Variants in SPDYE1 observed in about 807,000 individuals in gnomAD.
SPDYE1 encodes the protein speedy/RINGO cell cycle regulator family member E1.
A neutral mutation model predicts 45.9 loss-of-function variants in SPDYE1; 29 were observed. The observed-to-expected ratio is 0.63, with a 90% confidence interval of 0.47 to 0.86. The LOEUF is 0.86. Ranked by LOEUF, SPDYE1 falls within the 40% of genes least tolerant of loss-of-function variation. The probability of loss-of-function intolerance (pLI) is 0.00; values close to 1 mark genes in which losing one functional copy is unlikely to be tolerated. For synonymous variants in SPDYE1, 134 were observed against 176.8 expected, an observed-to-expected ratio of 0.76 and a Z score of 1.92; for missense variants, 346 against 481.4, an observed-to-expected ratio of 0.72 and a Z score of 2.63.
rs2096069415 is a variant in SPDYE1 at position 44,005,129 on chromosome 7, T to C, written c.667-13T>C. 1 of 1,611,734 alleles carries C rather than the reference T, an allele frequency of 6.2e-7. No individual in the cohort carries two copies. Among genetic ancestry groups the C allele is most frequent in the Non-Finnish European group, 8.5e-7 (1 of 1,179,682 alleles). On this transcript the variant is annotated splice_polypyrimidine_tract_variant and intron_variant, in intron 5 of 8. Coordinates refer to ENST00000693451, the MANE Select transcript of SPDYE1 (RefSeq NM_001378423.2). The stretch of plus-strand genomic sequence containing the variant: ...GTGACCTCTCCCTCTCTGTGTTCCT[T>C]TCTCTCCATCAGTATCTCCTTGCTA...
intron 4 of SPDYE1, among the ~76,000 whole-genome samples, chr7:44,003,560 T>C (rs1247427008): frequency 6.6e-6 from 1 of 152,022 alleles, no homozygotes; most frequent in Non-Finnish European, 1.5e-5. Context: ...AATTCCTTTA[T>C]GACTCTGCAG....
intron 5 of SPDYE1, 24 bp from the exon 6 acceptor site, chr7:44,005,118 T>A: frequency 7.4e-6 from 12 of 1,611,156 alleles, no homozygotes; most frequent in Non-Finnish European, 1.0e-5. Flanking sequence ...CCTCTCCCTC[T>A]CTGTGTTCCT....
chr7:44,005,071 T>C (rs1173952031), intron 5 of SPDYE1, 71 bp from the exon 6 acceptor site: 7 of 1,538,794 alleles, frequency 4.5e-6, no homozygotes, highest in African/African-American at 1.4e-5. Context: ...CAGACCCTCA[T>C]TCCCCCTCTC....
chr7:44,002,712 G>A lies in SPDYE1; in HGVS notation c.502G>A (p.Glu168Lys), dbSNP rs1401170585. The A allele has an allele frequency of 3.8e-5, 61 of 1,596,090 alleles. No homozygotes were observed. In the Admixed American group the frequency reaches 9.9e-4, roughly 26 times the overall value. ...PRKVLAPEPE[E>K]IWVAEMLCGL... Reference sequence around the variant, plus strand: ...GAAGGTGCTCGCCCCTGAGCCTGAGGAGATCTGGGTGGCGGAGATGCTGTG... The same window carrying A: ...GAAGGTGCTCGCCCCTGAGCCTGAGAAGATCTGGGTGGCGGAGATGCTGTG... Residue 168 changes from glutamate to lysine, a missense_variant, in exon 4 of 9, where the codon GAG becomes AAG. Coordinates refer to ENST00000693451, the MANE Select transcript of SPDYE1 (RefSeq NM_001378423.2).
Position 44,007,338 on chromosome 7 carries a change from A to C in SPDYE1, c.823A>C (p.Lys275Gln), listed in dbSNP as rs777386968. Residue 275 changes from lysine to glutamine, a missense_variant, in exon 7 of 9, where the codon AAG becomes CAG. By Grantham distance (53) the Lys-to-Gln change is moderately conservative (BLOSUM62 1). Transcript: ENST00000693451. ...KQNIFHFLYG[K>Q]NRSRIPLLRK... is the part of the protein sequence containing the mutation. ...AAACATCTTCCACTTCCTGTATGGG[A>C]AGAACCGCTCTCGCATACCCTTGCT... The C allele has an allele frequency of 1.9e-6, 3 of 1,613,042 alleles. No individual in the cohort carries two copies. The highest frequency in any genetic ancestry group is 2.5e-6 in the Non-Finnish European group (3 of 1,179,602).
intron 1 of SPDYE1, among the ~76,000 whole-genome samples, 195 bp downstream of exon 1, chr7:43,998,154 CATG>C (rs1351404886): frequency 6.6e-6 from 1 of 151,984 alleles, no homozygotes; most frequent in African/African-American, 2.4e-5. Flanking sequence ...TTTAAAGCGT[CATG>C]AATGCGAATT....
At position 44,007,159 on chromosome 7, in the gene SPDYE1, C is replaced by G. The variant is rs2096072404; in HGVS notation, c.753-109C>G. On this transcript the variant is annotated intron_variant, in intron 6 of 8. Coordinates refer to ENST00000693451, the MANE Select transcript of SPDYE1 (RefSeq NM_001378423.2). ...GGCATGGCTCTCTGCAGGGTGGGTG[C>G]CAGTCCTGAGCTAGGAACGGTCCCT... is the stretch of plus-strand genomic sequence containing the variant. 2.5e-6 allele frequency: 4 copies of G among 1,599,942 alleles called. No individual in the cohort carries two copies. The Admixed American group carries it at 5.0e-5, about 20-fold the overall frequency.
At chr7:44,007,897 C>A (rs549314387) in intron 8 of SPDYE1, 84 bp downstream of exon 8, 27 of 1,546,364 alleles carry the variant, frequency 1.7e-5, no homozygotes, top group Non-Finnish European at 2.3e-5. Context: ...GATCCGGCTT[C>A]AAGCCTGGGC....
chr7:44,001,478 G>A (rs1301525877), intron 3 of SPDYE1, among the ~76,000 whole-genome samples, 194 bp downstream of exon 3: 1 of 152,136 alleles, frequency 6.6e-6, no homozygotes, highest in African/African-American at 2.4e-5. Flanking sequence ...GATAAAGGTT[G>A]GCGCTTGGGA....
chr7:44,008,719 C>T lies in SPDYE1; in HGVS notation c.*98C>T, dbSNP rs1444447918. ...TTTCAGCAGGAACTTTATTCCAATG[C>T]TAATGGCAGACACCAGGAAGGAGGA... On this transcript the variant is annotated 3_prime_UTR_variant, in exon 9 of 9. Coordinates refer to ENST00000693451, the MANE Select transcript of SPDYE1 (RefSeq NM_001378423.2). 21 of 1,218,672 alleles carry T rather than the reference C, an allele frequency of 1.7e-5. No homozygotes were observed. In the South Asian group the frequency reaches 2.1e-4, roughly 12 times the overall value. The allele number at this position is 1,218,672 out of a possible 1,614,324, so 75.5% of individuals were successfully genotyped here.
chr7:44,005,686 A>T (rs2096070316), intron 6 of SPDYE1, among the ~76,000 whole-genome samples: 1 of 151,240 alleles, frequency 6.6e-6, no homozygotes, highest in Non-Finnish European at 1.5e-5. Context: ...TCAAAAAAAA[A>T]AAAAAAAAGC....
At position 44,001,373 on chromosome 7, in the gene SPDYE1, T is replaced by C. The variant is rs906886591; in HGVS notation, c.379+89T>C. On this transcript the variant is annotated intron_variant, in intron 3 of 8. Transcript: ENST00000693451. ...AACCACACTTTTCCAATGGGAAAGATACGCCCCCAGTGGGTGAGATCTCCA... is the reference window on the plus strand; with the variant it reads ...AACCACACTTTTCCAATGGGAAAGACACGCCCCCAGTGGGTGAGATCTCCA... 3.5e-5 allele frequency: 54 copies of C among 1,555,036 alleles called. 1 individual carries two copies. Among genetic ancestry groups the C allele is most frequent in the Non-Finnish European group, 4.5e-5 (52 of 1,158,586 alleles).
At position 43,999,624 on chromosome 7, in the gene SPDYE1, A is replaced by G. The variant is rs1302128540; in HGVS notation, c.-326A>G. 6.7e-6 allele frequency among the ~76,000 whole-genome samples: 1 copy of G among 150,274 alleles called. No individual in the cohort carries two copies. The highest frequency in any genetic ancestry group is 1.5e-5 in the Non-Finnish European group (1 of 67,582). Reference sequence around the variant, plus strand: ...CACAGCCTCTGCTGGGACAGGGAACAGAGGGATGTGGAGTCCCTGAAGATG... The same window carrying G: ...CACAGCCTCTGCTGGGACAGGGAACGGAGGGATGTGGAGTCCCTGAAGATG... On this transcript the variant is annotated 5_prime_UTR_variant, in exon 2 of 9. Coordinates refer to ENST00000693451, the MANE Select transcript of SPDYE1 (RefSeq NM_001378423.2).
At chr7:44,000,944 G>C (rs1477516620) in intron 2 of SPDYE1, 122 bp from the exon 3 acceptor site, 6 of 1,594,734 alleles carry the variant, frequency 3.8e-6, no homozygotes, top group South Asian at 1.1e-5. Flanking sequence ...TCAGAAAGAT[G>C]GCTTAGAGAA....
At chr7:43,999,294 T>C (rs994099281) in intron 1 of SPDYE1, among the ~76,000 whole-genome samples, 3 of 152,208 alleles carry the variant, frequency 2.0e-5, no homozygotes, top group African/African-American at 7.2e-5. Flanking sequence ...GTACCCCCAG[T>C]ACAGAATCTT....
rs2096076594 is a variant in SPDYE1, at chr7:44,009,772, G to A, written c.*1151G>A. 6.6e-6 allele frequency: 1 copy of A among 151,462 alleles called. No individual in the cohort carries two copies. Among genetic ancestry groups the A allele is most frequent in the Admixed American group, 6.6e-5 (1 of 15,180 alleles). The allele number at this position is 151,462 out of a possible 1,614,324, so 9.4% of individuals were successfully genotyped here. ...TATAATTTTGTTTTCCTTTTTAAGA[G>A]AGGATTCTTTTCATCCTAAATCTTT... On this transcript the variant is annotated 3_prime_UTR_variant, in exon 9 of 9. Coordinates refer to ENST00000693451, the MANE Select transcript of SPDYE1 (RefSeq NM_001378423.2).
At chr7:44,006,561 A>G (rs557013939) in intron 6 of SPDYE1, among the ~76,000 whole-genome samples, 99 of 151,330 alleles carry the variant, frequency 6.5e-4, no homozygotes, top group African/African-American at 2.3e-3. Flanking sequence ...CTCCCACCTC[A>G]GCTTCTTTAT....
In SPDYE1 at chr7:44,004,085, G is replaced by C. The variant is rs377405976; in HGVS notation, c.666+174G>C. The C allele has an allele frequency of 2.0e-4, 235 of 1,172,304 alleles. 1 individual carries two copies. In the East Asian group the frequency reaches 4.8e-3, roughly 24 times the overall value. The allele number at this position is 1,172,304 out of a possible 1,614,324, so 72.6% of individuals were successfully genotyped here. A position where few individuals can be genotyped will look rare whatever the true frequency, so the allele number is the denominator to read the frequency against. ...GAGTCTTGCTCTGTTGCCCAGGCTG[G>C]AGGGCAGTGTCTCGATCTTCACTCA... On this transcript the variant is annotated intron_variant, in intron 5 of 8. Coordinates refer to ENST00000693451, the MANE Select transcript of SPDYE1 (RefSeq NM_001378423.2).
At chr7:44,004,909 C>T (rs574464556) in intron 5 of SPDYE1, 86 of 609,002 alleles carry the variant, frequency 1.4e-4, no homozygotes, top group Admixed American at 5.1e-4. Flanking sequence ...AAGATCCCAT[C>T]GGAGCCCACC....
Sources: allele counts gnomAD v4.1 joint callset (sites outside exome capture counted in the v4.1 genomes callset), GRCh38; gene constraint gnomAD v4.1.1; transcripts MANE v1.5; gene names NCBI Gene and HGNC (gene_info 2026-07-23, HGNC 2026-07-21).